Variants in ESR1 observed in about 807,000 individuals in gnomAD.
The protein encoded by ESR1 is estrogen receptor 1.
ESR1 carries 12 observed loss-of-function variants against 52.7 expected under a neutral mutation model. That is an observed-to-expected ratio of 0.23 (90% CI 0.15 to 0.37). The LOEUF (loss-of-function observed/expected upper bound fraction) is 0.37, where lower values mean the gene tolerates loss of function less well. ESR1 is among the 10% of genes least tolerant of loss of function. ESR1 has a pLI of 1.00. For synonymous variants in ESR1, 305 were observed against 316.8 expected, an observed-to-expected ratio of 0.96 and a Z score of 0.39; for missense variants, 584 against 779.7, an observed-to-expected ratio of 0.75 and a Z score of 2.99.
intron 4 of ESR1, among the ~76,000 whole-genome samples, chr6:151,959,847 T>C (rs2037448846): frequency 6.6e-6 from 1 of 152,212 alleles, no homozygotes; most frequent in African/African-American, 2.4e-5. Context: ...AGAAAATAAT[T>C]ACTCCTGTTG....
intron 4 of ESR1, among the ~76,000 whole-genome samples, chr6:151,953,081 G>A (rs531543905): frequency 2.6e-5 from 4 of 152,172 alleles, no homozygotes; most frequent in Non-Finnish European, 5.9e-5. Context: ...GTATAGCTGC[G>A]TTCTTAGAAT....
At chr6:151,733,812 C>G (rs987096804) in intron 2 of ESR1, among the ~76,000 whole-genome samples, 26 of 152,130 alleles carry the variant, frequency 1.7e-4, no homozygotes, top group African/African-American at 5.3e-4. Context: ...TTGCTAGACT[C>G]TAGAGGGCCC....
chr6:151,826,158 TAGC>T (rs1388261441), intron 1 of ESR1, among the ~76,000 whole-genome samples: 1 of 152,158 alleles, frequency 6.6e-6, no homozygotes, highest in Non-Finnish European at 1.5e-5. Flanking sequence ...TTGCTTCGCA[TAGC>T]ATGCTTAGAC....
At chr6:151,766,341 T>G (rs1444016797) in intron 2 of ESR1, among the ~76,000 whole-genome samples, 1 of 152,086 alleles carries the variant, frequency 6.6e-6, no homozygotes, top group Non-Finnish European at 1.5e-5. Flanking sequence ...GGTTTGGTGT[T>G]TTGATTGCTT....
intron 3 of ESR1, among the ~76,000 whole-genome samples, chr6:151,896,951 A>C (rs1326678342): frequency 6.6e-6 from 1 of 152,208 alleles, no homozygotes; most frequent in Non-Finnish European, 1.5e-5. Context: ...ATGATCATTC[A>C]GGAGCAGGTT....
In ESR1 at chr6:152,118,603, G is replaced by T. The variant is rs191464973; in HGVS notation, c.851-6663G>T. 2.2e-3 allele frequency among the ~76,000 whole-genome samples: 313 copies of T among 142,940 alleles called. 5 individuals carry two copies. The highest frequency in any genetic ancestry group is 7.6e-3 in the African/African-American group (296 of 38,976). 93.8% of individuals were successfully genotyped at this position (142,940 alleles called of 152,430 possible). A position where few individuals can be genotyped will look rare whatever the true frequency, so the allele number is the denominator to read the frequency against. On this transcript the variant is annotated intron_variant, in intron 6 of 6. Transcript: ENST00000427531. Reference sequence around the variant, plus strand: ...CCACACACTGGGGCCTGTCAGGGGGGTAGGAGGTAAGGGGTGGGGGGCAAG... The same window carrying T: ...CCACACACTGGGGCCTGTCAGGGGGTTAGGAGGTAAGGGGTGGGGGGCAAG...
At chr6:151,999,114 A>G (rs1045909407) in intron 4 of ESR1, among the ~76,000 whole-genome samples, 7 of 152,106 alleles carry the variant, frequency 4.6e-5, no homozygotes, top group African/African-American at 1.7e-4. Flanking sequence ...TACCTCAGGC[A>G]AATCTTTACA....
At chr6:151,901,612 T>C (rs1796708889) in intron 3 of ESR1, among the ~76,000 whole-genome samples, 1 of 152,238 alleles carries the variant, frequency 6.6e-6, no homozygotes, top group South Asian at 2.1e-4. Flanking sequence ...ACAGGGCTTT[T>C]CCCCTTGCTT....
chr6:152,053,537 CCT>C lies in ESR1; in HGVS notation c.1236-7445_1236-7444del, dbSNP rs749646348. Among the ~76,000 whole-genome samples the C allele has an allele frequency of 1.2e-4, 18 of 151,416 alleles. No individual in the cohort carries two copies. In the East Asian group the frequency reaches 2.0e-3, roughly 16 times the overall value. ...TTCTCTTTCTCTCAATCTCTCTCTT[CCT>C]CTCTCTCTTATCCTCTCTTTCTCTC... On this transcript the variant is annotated intron_variant, in intron 5 of 7. Coordinates refer to ENST00000206249, the MANE Select transcript of ESR1 (RefSeq NM_000125.4). The surrounding 1 kb of genome is among the most constrained non-coding windows in gnomAD (Gnocchi z 4.1).
chr6:152,034,871 C>A (rs73629954), intron 5 of ESR1, among the ~76,000 whole-genome samples: 1 of 152,320 alleles, frequency 6.6e-6, no homozygotes, highest in African/African-American at 2.4e-5. Context: ...AGACTCTGAA[C>A]TATCACATGG....
upstream of ESR1, among the ~76,000 whole-genome samples, chr6:151,686,270 T>C (rs545157553): frequency 6.6e-6 from 1 of 152,164 alleles, no homozygotes; most frequent in Non-Finnish European, 1.5e-5. Flanking sequence ...GCTTTCATAC[T>C]GAGTAAAAGA....
At position 152,099,118 on chromosome 6, in the gene ESR1, C is replaced by T; in HGVS notation, c.*152C>T. 1.5e-6 allele frequency: 1 copy of T among 681,806 alleles called. No individual in the cohort carries two copies. The allele number at this position is 681,806 out of a possible 1,614,324, so 42.2% of individuals were successfully genotyped here. ...ATGAGTGGCCATTCATTTGCTTGCT[C>T]AGTTCTTAGTGGCACATCTTCTGTC... On this transcript the variant is annotated 3_prime_UTR_variant, in exon 8 of 8. Transcript: ENST00000206249.
intron 4 of ESR1, among the ~76,000 whole-genome samples, chr6:151,974,580 G>C (rs3020403): frequency 0.54 from 82,627 of 152,006 alleles, 26,263 homozygotes; most frequent in Middle Eastern, 0.72. Flanking sequence ...CTGGGCCTCA[G>C]CTTTCCCACC....
At chr6:152,000,643 C>A (rs776209854) in intron 4 of ESR1, among the ~76,000 whole-genome samples, 1 of 151,962 alleles carries the variant, frequency 6.6e-6, no homozygotes, top group Non-Finnish European at 1.5e-5. Context: ...CGGTCTATGT[C>A]ATTTCAGTGA....
intron 1 of ESR1, among the ~76,000 whole-genome samples, chr6:151,809,717 A>T: frequency 6.6e-6 from 1 of 152,184 alleles, no homozygotes; most frequent in East Asian, 1.9e-4. Context: ...GCCTTGGAGA[A>T]ATTTAGAGCA....
At position 152,094,720 on chromosome 6, in the gene ESR1, G is replaced by T; in HGVS notation, c.1553+152G>T. ...AGAATAAGCATAAATGCTATAGGAG[G>T]ACAGAAGAGAGAGGTTTTAAATCTG... On this transcript the variant is annotated intron_variant, in intron 7 of 7. Coordinates refer to ENST00000206249, the MANE Select transcript of ESR1 (RefSeq NM_000125.4). This position sits in a 1 kb window ranked among gnomAD's most constrained non-coding sequence, Gnocchi z 4.6. The T allele has an allele frequency of 1.3e-6, 1 of 758,030 alleles. No individual in the cohort carries two copies. The highest frequency in any genetic ancestry group is 2.7e-5 in the East Asian group (1 of 37,258). 47.0% of individuals were successfully genotyped at this position (758,030 alleles called of 1,614,324 possible).
chr6:152,038,190 G>A (rs577453740), intron 5 of ESR1, among the ~76,000 whole-genome samples: 5 of 152,282 alleles, frequency 3.3e-5, no homozygotes, highest in Admixed American at 2.6e-4. Flanking sequence ...GGAAGCATCC[G>A]TCATGGGAGA....
At chr6:151,788,568 C>A (rs1229409031) in intron 2 of ESR1, among the ~76,000 whole-genome samples, 2 of 152,140 alleles carry the variant, frequency 1.3e-5, no homozygotes, top group Non-Finnish European at 2.9e-5. Context: ...CCTAAAAATA[C>A]AACTACCATT....
chr6:151,926,660 A>G (rs2032799899), intron 3 of ESR1, among the ~76,000 whole-genome samples: 1 of 152,166 alleles, frequency 6.6e-6, no homozygotes. Flanking sequence ...GATGATATGT[A>G]GGAAAGAAAT....
Sources: gnomAD v4.1 joint callset for allele counts (sites outside exome capture counted in the v4.1 genomes callset) on GRCh38, gnomAD v4.1.1 for gene constraint, Gnocchi (gnomAD v3.1) non-coding constraint, MANE v1.5 for transcripts, NCBI Gene and HGNC (gene_info 2026-07-23, HGNC 2026-07-21) for gene names.